Variants in FOXP2 observed in about 807,000 individuals in gnomAD.
FOXP2 encodes the protein forkhead box P2, also known as forkhead box protein P2.
Under a neutral mutation model 115.8 loss-of-function variants are expected in FOXP2, and 12 were observed. The observed-to-expected ratio is 0.10, with a 90% CI of 0.07 to 0.17. The LOEUF (loss-of-function observed/expected upper bound fraction) is 0.17. FOXP2 is among the 10% of genes least tolerant of loss of function. The pLI is 1.00. For synonymous variants in FOXP2, 328 were observed against 297.7 expected (o/e 1.10, Z -1.05); for missense variants, 629 against 843.5 (o/e 0.75, Z 3.15).
intron 2 of FOXP2, among the ~76,000 whole-genome samples, chr7:114,472,366 C>T (rs1584777609): frequency 7.0e-6 from 1 of 142,194 alleles, no homozygotes; most frequent in South Asian, 2.2e-4. Context: ...TTTTTTGAGA[C>T]AGAGTCTGCC....
At chr7:114,674,846 A>G (rs1807675178) in intron 16 of FOXP2, among the ~76,000 whole-genome samples, 1 of 152,146 alleles carries the variant, frequency 6.6e-6, no homozygotes, top group African/African-American at 2.4e-5. Context: ...AATCTTAAGT[A>G]GAATGAAATA....
At chr7:114,109,339 CT>C (rs1440642313) in intron 1 of FOXP2, among the ~76,000 whole-genome samples, 2 of 152,020 alleles carry the variant, frequency 1.3e-5, no homozygotes, top group Non-Finnish European at 2.9e-5. Context: ...TCATCTTCAT[CT>C]TTAATGTCAT....
chr7:114,539,781 G>A (rs1180772795), intron 3 of FOXP2, among the ~76,000 whole-genome samples: 1 of 151,986 alleles, frequency 6.6e-6, no homozygotes, highest in African/African-American at 2.4e-5. Context: ...CTGGGACATT[G>A]AGCTCATTAC....
At chr7:114,087,580 G>A (rs548568697), upstream of FOXP2, among the ~76,000 whole-genome samples, 1 of 149,656 alleles carries the variant, frequency 6.7e-6, no homozygotes, top group East Asian at 2.0e-4. Flanking sequence ...GGCGGGCAGA[G>A]CGCGGGTCCG....
chr7:114,336,077 A>G (rs1035024969), intron 2 of FOXP2, among the ~76,000 whole-genome samples: 6 of 151,742 alleles, frequency 4.0e-5, no homozygotes, highest in Admixed American at 2.0e-4. Context: ...ACTTGAAATG[A>G]TGCCCCTCTA....
At chr7:114,223,860 A>T (rs149295499) in intron 1 of FOXP2, among the ~76,000 whole-genome samples, 18 of 152,026 alleles carry the variant, frequency 1.2e-4, no homozygotes, top group Non-Finnish European at 1.9e-4. Flanking sequence ...ATTTATCAAA[A>T]AAATTTTTTT....
chr7:114,490,779 G>A (rs1462219118), intron 2 of FOXP2, among the ~76,000 whole-genome samples: 4 of 152,102 alleles, frequency 2.6e-5, no homozygotes, highest in East Asian at 3.9e-4. Context: ...CCTTGTGATA[G>A]TTTGCTGAGA....
At chr7:114,311,725 G>A (rs193261587) in intron 2 of FOXP2, among the ~76,000 whole-genome samples, 15 of 152,142 alleles carry the variant, frequency 9.9e-5, no homozygotes, top group Non-Finnish European at 5.9e-5. Flanking sequence ...AAGTTTACAG[G>A]GACAGTAGGA....
chr7:114,209,777 G>T (rs568524924), intron 1 of FOXP2, among the ~76,000 whole-genome samples: 11 of 152,126 alleles, frequency 7.2e-5, no homozygotes, highest in African/African-American at 2.2e-4. Context: ...TCTCTTTCAG[G>T]TACCGCAATC....
chr7:114,170,787 G>A (rs1362504251), intron 1 of FOXP2, among the ~76,000 whole-genome samples: 1 of 152,206 alleles, frequency 6.6e-6, no homozygotes, highest in Non-Finnish European at 1.5e-5. Flanking sequence ...AGAGAGGTTG[G>A]TTCATGAGGT....
intron 1 of FOXP2, among the ~76,000 whole-genome samples, chr7:114,152,654 T>A (rs995218667): frequency 3.9e-5 from 6 of 152,150 alleles, no homozygotes; most frequent in African/African-American, 1.4e-4. Flanking sequence ...TGATTTCTGT[T>A]GTGTAGTCAA....
rs190435192 is a variant in FOXP2 at position 114,267,596 on chromosome 7, G to A, written c.-101-20423G>A. On this transcript the variant is annotated intron_variant, in intron 1 of 17. Coordinates refer to the FOXP2 transcript ENST00000634411. ...ACAAAAATTAGCCAGGTGTGGTGGT[G>A]GGTGCCTGTAGTCCCAACTACTCGG... Among the ~76,000 whole-genome samples, 120 of 151,634 alleles carry A rather than the reference G, an allele frequency of 7.9e-4. 1 individual carries two copies. In the Middle Eastern group the frequency reaches 0.01, roughly 13 times the overall value.
intron 1 of FOXP2, among the ~76,000 whole-genome samples, chr7:114,233,003 G>A (rs1183205905): frequency 6.6e-6 from 1 of 152,134 alleles, no homozygotes; most frequent in African/African-American, 2.4e-5. Flanking sequence ...GTGGGTGCAG[G>A]AGCTATGAGG....
chr7:114,583,345 T>C (rs1180586633), intron 3 of FOXP2, among the ~76,000 whole-genome samples: 1 of 152,052 alleles, frequency 6.6e-6, no homozygotes, highest in South Asian at 2.1e-4. Flanking sequence ...TCCACTGCAC[T>C]CCAGCCTGGG....
chr7:114,138,558 A>AT (rs1318641262), intron 1 of FOXP2, among the ~76,000 whole-genome samples: 5 of 151,816 alleles, frequency 3.3e-5, no homozygotes, highest in African/African-American at 1.2e-4. Flanking sequence ...CACCCGGCTA[A>AT]TTTTTTGTAT....
At chr7:114,625,377 A>G (rs1804500443) in intron 3 of FOXP2, among the ~76,000 whole-genome samples, 1 of 151,804 alleles carries the variant, frequency 6.6e-6, no homozygotes, top group African/African-American at 2.4e-5. Flanking sequence ...GAATATTTGC[A>G]TGAATCAAAT....
At chr7:114,341,790 C>T (rs1791223977) in intron 2 of FOXP2, among the ~76,000 whole-genome samples, 1 of 151,250 alleles carries the variant, frequency 6.6e-6, no homozygotes, top group African/African-American at 2.4e-5. Flanking sequence ...CCTTCTTCAC[C>T]TTTATGGTTT....
intron 1 of FOXP2, among the ~76,000 whole-genome samples, chr7:114,104,527 A>G (rs10277056): frequency 0.5 from 76,376 of 151,810 alleles, 21,066 homozygotes; most frequent in South Asian, 0.61. Context: ...AGAAAAATGT[A>G]ATTGAAAAAC....
upstream of FOXP2, among the ~76,000 whole-genome samples, chr7:114,411,425 A>C (rs1352328248): frequency 6.6e-6 from 1 of 152,138 alleles, no homozygotes; most frequent in Admixed American, 6.6e-5. Context: ...ATTCATTTTT[A>C]TGTGAGATTA....
Sources: allele counts gnomAD v4.1 joint callset (sites outside exome capture counted in the v4.1 genomes callset), GRCh38; gene constraint gnomAD v4.1.1; transcripts MANE v1.5; gene names NCBI Gene and HGNC (gene_info 2026-07-23, HGNC 2026-07-21).